The following BIN1 variants were observed in gnomAD, a reference collection of about 807,000 sequenced individuals.
The protein encoded by BIN1 is bridging integrator 1.
Under a neutral mutation model 82.0 loss-of-function variants are expected in BIN1, and 53 were observed. The ratio of observed to expected loss-of-function variants is 0.65; its 90% CI spans 0.52 to 0.81. BIN1 has a LOEUF of 0.81. BIN1 is among the 40% of genes least tolerant of loss of function. BIN1 has a pLI of 0.00. For missense variants in BIN1, 642 were observed against 784.4 expected, an observed-to-expected ratio of 0.82 and a Z score of 2.17; for synonymous variants, 302 against 328.0, an observed-to-expected ratio of 0.92 and a Z score of 0.86.
At chr2:127,081,439 C>T (rs1299637166) in intron 1 of BIN1, among the ~76,000 whole-genome samples, 1 of 152,234 alleles carries the variant, frequency 6.6e-6, no homozygotes, top group Non-Finnish European at 1.5e-5. Flanking sequence ...CCAGCAGCCC[C>T]TCCTGGGGTC....
chr2:127,063,387 G>A (rs1238191582), intron 9 of BIN1, among the ~76,000 whole-genome samples, 184 bp downstream of exon 9: 6 of 152,166 alleles, frequency 3.9e-5, no homozygotes, highest in Admixed American at 3.9e-4. Context: ...ATGCCCTGCT[G>A]CCCTCCTGGG....
chr2:127,058,868 C>G (rs1684058727), intron 11 of BIN1, 143 bp downstream of exon 11: 1 of 1,322,694 alleles, frequency 7.6e-7, no homozygotes, highest in Non-Finnish European at 1.0e-6. Context: ...CAGGTCCAGG[C>G]CCAACCCCCA....
At chr2:127,106,169 C>A (rs553076093) in intron 1 of BIN1, among the ~76,000 whole-genome samples, 1 of 152,262 alleles carries the variant, frequency 6.6e-6, no homozygotes, top group Non-Finnish European at 1.5e-5. Context: ...CCACCCGCTC[C>A]CCGGCCGCCG....
chr2:127,103,080 C>T (rs1166985782), intron 1 of BIN1, among the ~76,000 whole-genome samples: 1 of 152,156 alleles, frequency 6.6e-6, no homozygotes, highest in East Asian at 1.9e-4. Context: ...AAGTCAGTGG[C>T]CAAGGTGAGG....
In BIN1 at chr2:127,093,841, T is replaced by G. The variant is rs1679247180; in HGVS notation, c.84+13019A>C. The stretch of plus-strand genomic sequence containing the variant: ...TGGACAATCCCCTCCCCTTCCTTCC[T>G]TCCCAAGGCCTCAAGCCCTACCATC... On this transcript the variant is annotated intron_variant, in intron 1 of 18. Transcript: ENST00000316724. This position sits in a 1 kb window ranked among gnomAD's most constrained non-coding sequence, Gnocchi z 5.7. Among the ~76,000 whole-genome samples the G allele has an allele frequency of 6.6e-6, 1 of 152,166 alleles. No homozygotes were observed. Among genetic ancestry groups the G allele is most frequent in the Non-Finnish European group, 1.5e-5 (1 of 68,014 alleles).
In BIN1 at chr2:127,057,633, G is replaced by A. The variant is rs570567715; in HGVS notation, c.1003-32C>T. 3.6e-5 allele frequency: 54 copies of A among 1,494,898 alleles called. No individual in the cohort carries two copies. Among genetic ancestry groups the A allele is most frequent in the South Asian group, 2.2e-4 (17 of 76,202 alleles). 92.6% of individuals were successfully genotyped at this position (1,494,898 alleles called of 1,614,324 possible). A position where few individuals can be genotyped will look rare whatever the true frequency, so the allele number is the denominator to read the frequency against. On this transcript the variant is annotated intron_variant, in intron 11 of 18. Coordinates refer to ENST00000316724, the MANE Select transcript of BIN1 (RefSeq NM_139343.3). The surrounding 1 kb of genome is among the most constrained non-coding windows in gnomAD (Gnocchi z 5.0). ...GTCGGCGGCGGGTGAGGGGCCGCGCGGGAAGGCACAGCAGAGCACGGGGTT... is the reference window on the plus strand; with the variant it reads ...GTCGGCGGCGGGTGAGGGGCCGCGCAGGAAGGCACAGCAGAGCACGGGGTT...
intron 1 of BIN1, among the ~76,000 whole-genome samples, chr2:127,102,356 C>T (rs923139635): frequency 3.9e-5 from 6 of 152,176 alleles, no homozygotes; most frequent in South Asian, 4.1e-4. Flanking sequence ...TTGAAGAGGG[C>T]GCAGAGAGTT....
At chr2:127,105,245 G>A (rs770060774) in intron 1 of BIN1, among the ~76,000 whole-genome samples, 4 of 152,150 alleles carry the variant, frequency 2.6e-5, no homozygotes, top group East Asian at 3.9e-4. Context: ...CAGTGGGAAG[G>A]GGGCAGGGAA....
rs75308426 is a variant in BIN1, at chr2:127,064,263, G to C, written c.613-245C>G. Among the ~76,000 whole-genome samples, 47,872 of 152,212 alleles carry C rather than the reference G, an allele frequency of 0.31. 8,307 individuals are homozygous for C. The highest frequency in any genetic ancestry group is 0.49 in the South Asian group (2,377 of 4,826). Reference sequence around the variant, plus strand: ...GCCGTTGCCAAAGAGAGGCCCACGTGGCCGGGAGGGCAGTGAGCGTGGAGT... The same window carrying C: ...GCCGTTGCCAAAGAGAGGCCCACGTCGCCGGGAGGGCAGTGAGCGTGGAGT... On this transcript the variant is annotated intron_variant, in intron 7 of 18. Coordinates refer to ENST00000316724, the MANE Select transcript of BIN1 (RefSeq NM_139343.3).
chr2:127,063,759 G>C, intron 8 of BIN1, 113 bp from the exon 9 acceptor site: 1 of 1,413,510 alleles, frequency 7.1e-7, no homozygotes, highest in Non-Finnish European at 9.9e-7. Flanking sequence ...AAACCAGAGA[G>C]GGCCCAGGCA....
Position 127,106,929 on chromosome 2 carries a change from G to C in BIN1, c.15C>G (p.Gly5=). 1.9e-6 allele frequency: 3 copies of C among 1,612,024 alleles called. No homozygotes were observed. The highest frequency in any genetic ancestry group is 2.5e-6 in the Non-Finnish European group (3 of 1,179,402). ...TCTTTCCCGCCGTCACCCCTTTACT[G>C]CCCATCTCTGCCATCGCGGCGCAGG... is the stretch of plus-strand genomic sequence containing the variant. MAEM[G]SKGVTAGKIA... The change falls in exon 1 of 19, where the codon GGC becomes GGG. Residue 5 remains glycine, a synonymous_variant. Coordinates refer to ENST00000316724, the MANE Select transcript of BIN1 (RefSeq NM_139343.3).
intron 2 of BIN1, among the ~76,000 whole-genome samples, chr2:127,073,048 A>G (rs1686108222): frequency 1.3e-5 from 2 of 152,078 alleles, no homozygotes; most frequent in Admixed American, 6.5e-5. Context: ...AGGGGTCCCC[A>G]TGGGGTGGGT....
chr2:127,053,797 G>A (rs1573548074), intron 13 of BIN1, 108 bp downstream of exon 13: 2 of 1,080,146 alleles, frequency 1.9e-6, no homozygotes, highest in Non-Finnish European at 2.8e-6. Context: ...CCAGGGGAAG[G>A]GCAGTGACCC....
At chr2:127,099,635 T>A (rs947786205) in intron 1 of BIN1, among the ~76,000 whole-genome samples, 69 of 152,196 alleles carry the variant, frequency 4.5e-4, no homozygotes, top group Non-Finnish European at 7.2e-4. Context: ...TGCCTCAGCC[T>A]CCCAAGTAGC....
rs1240642947 is a variant in BIN1 at position 127,054,294 on chromosome 2, C to T, written c.1132-282G>A. 17 of 479,934 alleles carry T rather than the reference C, an allele frequency of 3.5e-5. No homozygotes were observed. In the East Asian group the frequency reaches 5.9e-4, roughly 17 times the overall value. The allele number at this position is 479,934 out of a possible 1,614,324, so 29.7% of individuals were successfully genotyped here. A position where few individuals can be genotyped will look rare whatever the true frequency, so the allele number is the denominator to read the frequency against. ...CCAGTGCCCGCCTCAAACTCCCAGT[C>T]ATAGGTCCGCCCGTGGCCGCCACCC... is the stretch of plus-strand genomic sequence containing the variant. On this transcript the variant is annotated intron_variant, in intron 12 of 18. Coordinates refer to ENST00000316724, the MANE Select transcript of BIN1 (RefSeq NM_139343.3).
At position 127,050,870 on chromosome 2, in the gene BIN1, C is replaced by T. The variant is rs1244880320; in HGVS notation, c.1504G>A (p.Val502Met). The T allele has an allele frequency of 1.9e-6, 3 of 1,613,816 alleles. No homozygotes were observed. The highest frequency in any genetic ancestry group is 2.7e-5 in the African/African-American group (2 of 74,936). Residue 502 changes from valine (V) to methionine (M), a missense_variant, in exon 17 of 19, where the codon GTG (valine) becomes ATG (methionine). Val to Met is a conservative substitution (Grantham distance 21). Coordinates refer to ENST00000316724, the MANE Select transcript of BIN1 (RefSeq NM_139343.3). ...AVVVETFPAT[V>M]NGTVEGGSGA... is the part of the protein sequence containing the mutation. ...CTGCCGCCCTCCACGGTGCCATTCACAGTTGCTGGGAAGGTCTCCACCACG... is the reference window on the plus strand; with the variant it reads ...CTGCCGCCCTCCACGGTGCCATTCATAGTTGCTGGGAAGGTCTCCACCACG...
At chr2:127,073,599 C>T (rs920374973) in intron 2 of BIN1, among the ~76,000 whole-genome samples, 1 of 152,172 alleles carries the variant, frequency 6.6e-6, no homozygotes, top group Non-Finnish European at 1.5e-5. Flanking sequence ...GTCTAGGGGG[C>T]AGGGACGGCC....
In BIN1 at chr2:127,064,016, G is replaced by A. The variant is rs748308882; in HGVS notation, c.615C>T (p.Ala205=). The change falls in exon 8 of 19, where the codon GCC becomes GCT. Residue 205 remains alanine (A), a splice_region_variant and synonymous_variant. Coordinates refer to ENST00000316724, the MANE Select transcript of BIN1 (RefSeq NM_139343.3). ...TCTGGGCTTTGATGAGCTCCTCCTC[G>A]GCCTGGGGGGCAGCACGGGTCATTC... is the stretch of plus-strand genomic sequence containing the variant. The part of the protein sequence containing the change: ...VAQTNLLRNQ[A]EEELIKAQKV... 9.3e-6 allele frequency: 15 copies of A among 1,613,676 alleles called. No individual in the cohort carries two copies. The highest frequency in any genetic ancestry group is 1.6e-4 in the Middle Eastern group (1 of 6,084).
In BIN1 at chr2:127,057,714, C is replaced by T. The variant is rs535501802; in HGVS notation, c.1003-113G>A. ...TTAGTCACACCTCAGGCCACAGTCC[C>T]ACCCAGGCCACTGAGCAGGACGCAG... On this transcript the variant is annotated intron_variant, in intron 11 of 18. Transcript: ENST00000316724. This position sits in a 1 kb window ranked among gnomAD's most constrained non-coding sequence, Gnocchi z 5.0. 91 of 1,310,746 alleles carry T rather than the reference C, an allele frequency of 6.9e-5. No individual in the cohort carries two copies. In the Middle Eastern group the frequency reaches 1.1e-3, roughly 16 times the overall value. 81.2% of individuals were successfully genotyped at this position (1,310,746 alleles called of 1,614,324 possible).
Sources: gnomAD v4.1 joint callset for allele counts (sites outside exome capture counted in the v4.1 genomes callset) on GRCh38, gnomAD v4.1.1 for gene constraint, Gnocchi (gnomAD v3.1) non-coding constraint, MANE v1.5 for transcripts, NCBI Gene and HGNC (gene_info 2026-07-23, HGNC 2026-07-21) for gene names.